Variants in GRM8 observed in about 807,000 individuals in gnomAD.
GRM8 encodes glutamate metabotropic receptor 8, also known as metabotropic glutamate receptor 8.
Under a neutral mutation model 87.2 loss-of-function variants are expected in GRM8, and 47 were observed. The ratio of observed to expected loss-of-function variants is 0.54; its 90% CI spans 0.43 to 0.69. GRM8 has a LOEUF of 0.69. Ranked by LOEUF, GRM8 falls within the 30% of genes least tolerant of loss-of-function variation. The pLI, the probability that GRM8 is intolerant of heterozygous loss-of-function variation, is 0.00. For missense variants in GRM8, 1,019 were observed against 1,139.2 expected (o/e 0.89, Z 1.52); for synonymous variants, 396 against 404.5 (o/e 0.98, Z 0.25).
At chr7:126,955,162 A>G (rs551135921) in intron 3 of GRM8, among the ~76,000 whole-genome samples, 1 of 152,314 alleles carries the variant, frequency 6.6e-6, no homozygotes, top group East Asian at 1.9e-4. Context: ...CACATTTATT[A>G]CTAGCCTTTT....
chr7:126,612,091 T>C (rs905292255), intron 7 of GRM8, among the ~76,000 whole-genome samples: 2 of 152,196 alleles, frequency 1.3e-5, no homozygotes, highest in African/African-American at 4.8e-5. Flanking sequence ...AGTTATATAG[T>C]GGGCTAATAG....
At chr7:127,033,554 A>G (rs1817583868) in intron 3 of GRM8, among the ~76,000 whole-genome samples, 1 of 152,154 alleles carries the variant, frequency 6.6e-6, no homozygotes, top group South Asian at 2.1e-4. Context: ...AAAACTGAAG[A>G]TTTAAAAGGT....
rs141242919 is a variant in GRM8 at position 126,953,001 on chromosome 7, C to T, written c.728-48318G>A. Among the ~76,000 whole-genome samples, 689 of 152,040 alleles carry T rather than the reference C, an allele frequency of 4.5e-3. 7 individuals are homozygous for T. Among genetic ancestry groups the T allele is most frequent in the African/African-American group, 0.016 (662 of 41,474 alleles). On this transcript the variant is annotated intron_variant, in intron 3 of 10. Coordinates refer to ENST00000339582, the MANE Select transcript of GRM8 (RefSeq NM_000845.3). ...TAATTTCTGGGTTCTGATAATTGCA[C>T]TCCAGTTAAGATTTTAATACTGAGG... is the stretch of plus-strand genomic sequence containing the variant.
chr7:126,454,858 A>G (rs1180730881), intron 9 of GRM8, among the ~76,000 whole-genome samples: 1 of 151,734 alleles, frequency 6.6e-6, no homozygotes, highest in African/African-American at 2.4e-5. Flanking sequence ...CCTTGATCTC[A>G]GACTTCTAGT....
chr7:126,815,341 A>C (rs947779881), intron 6 of GRM8, among the ~76,000 whole-genome samples: 1 of 152,170 alleles, frequency 6.6e-6, no homozygotes, highest in African/African-American at 2.4e-5. Flanking sequence ...AGGGAGAATT[A>C]CTGACTCATT....
chr7:126,682,957 G>A (rs1807772188), intron 7 of GRM8, among the ~76,000 whole-genome samples: 1 of 152,298 alleles, frequency 6.6e-6, no homozygotes, highest in East Asian at 1.9e-4. Context: ...GCTGAGGCAG[G>A]AGAATCGCTT....
At chr7:127,179,925 G>A (rs962182123) in intron 2 of GRM8, among the ~76,000 whole-genome samples, 1 of 151,804 alleles carries the variant, frequency 6.6e-6, no homozygotes, top group African/African-American at 2.4e-5. Flanking sequence ...ATATTCTAAG[G>A]TCACACCTCA....
intron 2 of GRM8, among the ~76,000 whole-genome samples, chr7:127,206,945 G>T (rs1316077110): frequency 6.6e-6 from 1 of 152,158 alleles, no homozygotes; most frequent in East Asian, 1.9e-4. Context: ...GACACACAAG[G>T]CAGGTTCAGA....
At chr7:126,537,675 G>A (rs1815969802) in intron 8 of GRM8, among the ~76,000 whole-genome samples, 2 of 152,062 alleles carry the variant, frequency 1.3e-5, no homozygotes, top group African/African-American at 4.8e-5. Context: ...TACTTGGGAG[G>A]CTGAGGCAGG....
intron 6 of GRM8, among the ~76,000 whole-genome samples, chr7:126,898,044 T>C (rs1380835483): frequency 6.6e-6 from 1 of 152,180 alleles, no homozygotes. Context: ...ATAATTACGT[T>C]CGCAGATCAC....
chr7:127,235,378 G>A (rs961919404), intron 2 of GRM8, among the ~76,000 whole-genome samples: 9 of 152,192 alleles, frequency 5.9e-5, no homozygotes, highest in African/African-American at 2.2e-4. Flanking sequence ...ACATGACTTG[G>A]AATGTTGTGT....
intron 2 of GRM8, among the ~76,000 whole-genome samples, chr7:127,128,033 A>G (rs1827469852): frequency 6.6e-6 from 1 of 151,948 alleles, no homozygotes; most frequent in Non-Finnish European, 1.5e-5. Context: ...TCTTACTCAC[A>G]TCTCTTGTGA....
chr7:126,674,001 A>C (rs1420950569), intron 7 of GRM8, among the ~76,000 whole-genome samples: 1 of 152,176 alleles, frequency 6.6e-6, no homozygotes, highest in Non-Finnish European at 1.5e-5. Flanking sequence ...AATTCTATTA[A>C]CTGATTCAGT....
chr7:126,671,721 C>T (rs1806401259), intron 7 of GRM8, among the ~76,000 whole-genome samples: 2 of 152,132 alleles, frequency 1.3e-5, no homozygotes, highest in African/African-American at 4.8e-5. Context: ...AAATAGGATG[C>T]CCATAACCCA....
chr7:126,817,704 G>A (rs747444360), intron 6 of GRM8, among the ~76,000 whole-genome samples: 10 of 152,202 alleles, frequency 6.6e-5, no homozygotes, highest in Admixed American at 3.3e-4. Flanking sequence ...ATTTTCAGAA[G>A]CAGACATTTG....
intron 8 of GRM8, among the ~76,000 whole-genome samples, chr7:126,540,136 T>C (rs1199159522): frequency 6.6e-6 from 1 of 152,066 alleles, no homozygotes; most frequent in Non-Finnish European, 1.5e-5. Context: ...CAATTACAAA[T>C]GAGCCAATAA....
intron 2 of GRM8, among the ~76,000 whole-genome samples, chr7:127,215,504 T>C (rs1004494838): frequency 6.6e-6 from 1 of 152,006 alleles, no homozygotes; most frequent in East Asian, 1.9e-4. Flanking sequence ...TCCCTACTCA[T>C]CCCTGTTGTA....
intron 3 of GRM8, among the ~76,000 whole-genome samples, chr7:127,051,735 T>TGA (rs1819492448): frequency 1.5e-5 from 1 of 65,652 alleles, no homozygotes; most frequent in Non-Finnish European, 2.8e-5. Flanking sequence ...AACATAATGT[T>TGA]GAGCAAAAAA....
intron 2 of GRM8, among the ~76,000 whole-genome samples, chr7:127,236,796 A>G (rs1798005958): frequency 6.6e-6 from 1 of 152,236 alleles, no homozygotes; most frequent in South Asian, 2.1e-4. Flanking sequence ...TGAGGGAGAG[A>G]GTAGAGAGAT....
Sources: gnomAD v4.1 joint callset for allele counts (sites outside exome capture counted in the v4.1 genomes callset) on GRCh38, gnomAD v4.1.1 for gene constraint, MANE v1.5 for transcripts, NCBI Gene and HGNC (gene_info 2026-07-23, HGNC 2026-07-21) for gene names.